The following NRXN3 variants were observed in gnomAD, a reference collection of about 807,000 sequenced individuals.
The protein encoded by NRXN3 is neurexin 3.
In NRXN3, 32 loss-of-function variants were observed where a neutral mutation model predicts 137.6. The observed-to-expected ratio is 0.23, with a 90% CI of 0.18 to 0.31. NRXN3 has a LOEUF of 0.31. Among genes scored for constraint, NRXN3 ranks in the 10% least tolerant of loss-of-function variants. The pLI, the probability that NRXN3 is intolerant of heterozygous loss-of-function variation, is 1.00. For missense variants in NRXN3, 1,574 were observed against 2,062.5 expected (o/e 0.76, Z 4.59); for synonymous variants, 798 against 784.5 (o/e 1.02, Z -0.29).
At chr14:79,127,614 C>T (rs1475314758) in intron 15 of NRXN3, among the ~76,000 whole-genome samples, 1 of 152,158 alleles carries the variant, frequency 6.6e-6, no homozygotes, top group Non-Finnish European at 1.5e-5. Context: ...TAGTGTGATG[C>T]CTCCAGCTTT....
intron 15 of NRXN3, among the ~76,000 whole-genome samples, chr14:79,317,234 A>G (rs1391888746): frequency 6.6e-6 from 1 of 152,066 alleles, no homozygotes; most frequent in Non-Finnish European, 1.5e-5. Context: ...CTACTTCTCA[A>G]AAAAGAAAAA....
intron 1 of NRXN3, among the ~76,000 whole-genome samples, chr14:78,192,776 A>C (rs2060869105): frequency 6.6e-6 from 1 of 152,192 alleles, no homozygotes; most frequent in African/African-American, 2.4e-5. Context: ...CAAAAACTGC[A>C]CAAAGAGGGC....
intron 15 of NRXN3, among the ~76,000 whole-genome samples, chr14:79,445,842 G>A (rs2096055439): frequency 6.6e-6 from 1 of 152,136 alleles, no homozygotes; most frequent in South Asian, 2.1e-4. Context: ...TGGGGCTGTT[G>A]TAAAGAGTTT....
At chr14:78,508,500 G>C (rs1425283191) in intron 4 of NRXN3, among the ~76,000 whole-genome samples, 1 of 152,072 alleles carries the variant, frequency 6.6e-6, no homozygotes, top group Non-Finnish European at 1.5e-5. Flanking sequence ...GCTATTTTAA[G>C]GCTGTTTTAT....
intron 4 of NRXN3, among the ~76,000 whole-genome samples, chr14:78,347,875 A>G (rs180791130): frequency 5.3e-5 from 8 of 152,308 alleles, no homozygotes; most frequent in Admixed American, 3.3e-4. Context: ...AGGTTGGATA[A>G]TAAGAAGTGA....
At chr14:78,998,157 G>A (rs2099533878) in intron 15 of NRXN3, among the ~76,000 whole-genome samples, 1 of 152,158 alleles carries the variant, frequency 6.6e-6, no homozygotes, top group Admixed American at 6.5e-5. Context: ...ATGAGCCATT[G>A]TTTCATGTGT....
intron 1 of NRXN3, among the ~76,000 whole-genome samples, chr14:78,182,883 A>T (rs1188430476): frequency 6.6e-6 from 1 of 152,212 alleles, no homozygotes; most frequent in Non-Finnish European, 1.5e-5. Flanking sequence ...GACTTTCGAT[A>T]GGAAGCAGCT....
chr14:78,269,461 T>G (rs1178884961), intron 2 of NRXN3, among the ~76,000 whole-genome samples: 1 of 152,176 alleles, frequency 6.6e-6, no homozygotes, highest in African/African-American at 2.4e-5. Context: ...AGGGAATTAG[T>G]TTTAATAGGT....
intron 16 of NRXN3, among the ~76,000 whole-genome samples, chr14:79,515,932 C>A (rs575855475): frequency 6.6e-6 from 1 of 152,274 alleles, no homozygotes; most frequent in Admixed American, 6.5e-5. Flanking sequence ...GGCCCACAAA[C>A]TCAAAGCACG....
At chr14:78,457,323 C>A (rs903488275) in intron 4 of NRXN3, among the ~76,000 whole-genome samples, 1 of 152,154 alleles carries the variant, frequency 6.6e-6, no homozygotes, top group Non-Finnish European at 1.5e-5. Flanking sequence ...TGAGCCACCA[C>A]GCCCAGCCAG....
chr14:78,530,878 CT>C (rs777810901), intron 4 of NRXN3, among the ~76,000 whole-genome samples: 2 of 152,184 alleles, frequency 1.3e-5, no homozygotes, highest in African/African-American at 4.8e-5. Context: ...GTCCCCACCC[CT>C]GCCTTTCCTA....
At chr14:79,126,764 T>G (rs1374661097) in intron 15 of NRXN3, among the ~76,000 whole-genome samples, 76 of 152,284 alleles carry the variant, frequency 5.0e-4, no homozygotes, top group African/African-American at 1.5e-3. Flanking sequence ...ACTTCCACAA[T>G]GGTTGAACTA....
intron 15 of NRXN3, among the ~76,000 whole-genome samples, chr14:79,211,914 T>G (rs1291234996): frequency 6.6e-6 from 1 of 152,216 alleles, no homozygotes; most frequent in African/African-American, 2.4e-5. Flanking sequence ...GGTATTGCTC[T>G]GAACATTAAG....
chr14:79,253,172 G>C (rs971992681), intron 15 of NRXN3, among the ~76,000 whole-genome samples: 2 of 152,286 alleles, frequency 1.3e-5, no homozygotes, highest in Middle Eastern at 3.4e-3. Flanking sequence ...TTTTGGGGAA[G>C]AGATTGTTTG....
chr14:78,852,109 A>G (rs570481808), intron 10 of NRXN3, among the ~76,000 whole-genome samples: 19 of 152,286 alleles, frequency 1.2e-4, no homozygotes, highest in African/African-American at 4.1e-4. Flanking sequence ...ATGATGAACT[A>G]TTTTAGTGAA....
chr14:79,052,441 A>C (rs1173887949), intron 15 of NRXN3, among the ~76,000 whole-genome samples: 2 of 152,212 alleles, frequency 1.3e-5, no homozygotes, highest in East Asian at 3.9e-4. Context: ...TACAGATTCC[A>C]AAACCCCTCG....
intron 10 of NRXN3, among the ~76,000 whole-genome samples, chr14:78,912,718 C>G: frequency 6.6e-6 from 1 of 152,232 alleles, no homozygotes; most frequent in East Asian, 1.9e-4. Flanking sequence ...GGGCAGCAGA[C>G]CATTCAAAGT....
intron 1 of NRXN3, among the ~76,000 whole-genome samples, chr14:78,227,251 G>T (rs1299348322): frequency 6.6e-6 from 1 of 152,040 alleles, no homozygotes; most frequent in East Asian, 1.9e-4. Context: ...TCAGAAGCTT[G>T]AATTTAAGAT....
intron 4 of NRXN3, among the ~76,000 whole-genome samples, chr14:78,496,051 C>A (rs192140859): frequency 1.3e-5 from 2 of 152,264 alleles, no homozygotes; most frequent in African/African-American, 4.8e-5. Flanking sequence ...CAAATGGGGA[C>A]CACATTGAAG....
Sources: allele counts gnomAD v4.1 joint callset (sites outside exome capture counted in the v4.1 genomes callset), GRCh38; gene constraint gnomAD v4.1.1; transcripts MANE v1.5; gene names NCBI Gene and HGNC (gene_info 2026-07-23, HGNC 2026-07-21).